MINDY2: variants seen among roughly 807,000 people sequenced by gnomAD.
MINDY2 encodes the protein ubiquitin carboxyl-terminal hydrolase MINDY-2.
In MINDY2, 52 loss-of-function variants were observed where a neutral mutation model predicts 68.2. That is an observed-to-expected ratio of 0.76 (90% CI 0.61 to 0.96). The LOEUF (loss-of-function observed/expected upper bound fraction) is 0.96, where lower values mean the gene tolerates loss of function less well. Among genes scored for constraint, MINDY2 ranks in the 40% least tolerant of loss-of-function variants. The pLI, the probability that MINDY2 is intolerant of heterozygous loss-of-function variation, is 0.00. For missense variants in MINDY2, 881 were observed against 773.4 expected, an observed-to-expected ratio of 1.14 and a Z score of -1.65; for synonymous variants, 372 against 303.0, an observed-to-expected ratio of 1.23 and a Z score of -2.36.
intron 4 of MINDY2, among the ~76,000 whole-genome samples, chr15:58,817,951 C>G (rs552584721): frequency 2.8e-4 from 43 of 152,262 alleles, no homozygotes; most frequent in Non-Finnish European, 5.3e-4. Context: ...GAATTTTTCA[C>G]AGCAGTGTTA....
At chr15:58,798,679 C>G (rs1231916491) in intron 2 of MINDY2, among the ~76,000 whole-genome samples, 1 of 152,018 alleles carries the variant, frequency 6.6e-6, no homozygotes, top group Non-Finnish European at 1.5e-5. Context: ...TGGATTCAAA[C>G]TCCTGACTTC....
intron 4 of MINDY2, among the ~76,000 whole-genome samples, chr15:58,814,554 T>G (rs2030543638): frequency 6.6e-6 from 1 of 151,960 alleles, no homozygotes; most frequent in African/African-American, 2.4e-5. Context: ...CACTTTTTAA[T>G]TTTTTGTAGA....
intron 4 of MINDY2, among the ~76,000 whole-genome samples, chr15:58,817,955 A>G (rs898604896): frequency 1.3e-5 from 2 of 152,186 alleles, no homozygotes; most frequent in Non-Finnish European, 2.9e-5. Flanking sequence ...TTTTCACAGC[A>G]GTGTTATTTG....
At chr15:58,789,912 G>A (rs539932529) in intron 2 of MINDY2, among the ~76,000 whole-genome samples, 2 of 152,248 alleles carry the variant, frequency 1.3e-5, no homozygotes, top group African/African-American at 4.8e-5. Context: ...CTCCCAAAGT[G>A]CTGGGATTGC....
intron 7 of MINDY2, among the ~76,000 whole-genome samples, chr15:58,847,896 G>A (rs1397088160): frequency 6.6e-6 from 1 of 152,166 alleles, no homozygotes; most frequent in Non-Finnish European, 1.5e-5. Flanking sequence ...GCACATATCT[G>A]AGCTATATTT....
chr15:58,795,141 A>T (rs1483891723), intron 2 of MINDY2, among the ~76,000 whole-genome samples: 2 of 151,736 alleles, frequency 1.3e-5, no homozygotes, highest in Non-Finnish European at 2.9e-5. Flanking sequence ...GCGCTACTGC[A>T]CTCCAGCCTG....
chr15:58,812,176 G>A (rs1395219636), intron 4 of MINDY2, among the ~76,000 whole-genome samples: 3 of 152,106 alleles, frequency 2.0e-5, no homozygotes, highest in East Asian at 1.9e-4. Context: ...AGTGGCTCAC[G>A]CCTGTAATCC....
chr15:58,771,516 C>T lies in MINDY2; in HGVS notation c.121C>T (p.Pro41Ser). The change falls in exon 1 of 9, where the codon CCT becomes TCT. Residue 41 changes from proline to serine, a missense_variant. By Grantham distance (74) the Pro-to-Ser change is moderately conservative. Coordinates refer to ENST00000559228, the MANE Select transcript of MINDY2 (RefSeq NM_001040450.3). ...GACCAGGCTCGCCGCTGGTGATGGT[C>T]CTGGGGTATGGGCGGCGGAGACCAG... ...QETRLAAGDG[P>S]GVWAAETSGG... 5 of 1,612,096 alleles carry T rather than the reference C, an allele frequency of 3.1e-6. No individual in the cohort carries two copies. Among genetic ancestry groups the T allele is most frequent in the Non-Finnish European group, 4.2e-6 (5 of 1,179,722 alleles).
chr15:58,801,047 C>A (rs1242131209), intron 2 of MINDY2, among the ~76,000 whole-genome samples: 1 of 152,004 alleles, frequency 6.6e-6, no homozygotes, highest in Non-Finnish European at 1.5e-5. Flanking sequence ...GATCTTGGCT[C>A]ACTGCAACCT....
intron 1 of MINDY2, among the ~76,000 whole-genome samples, chr15:58,773,971 A>G (rs569906673): frequency 3.3e-5 from 5 of 152,312 alleles, no homozygotes; most frequent in African/African-American, 9.6e-5. Flanking sequence ...ACTTGCTCTA[A>G]CGGGCCAGAG....
intron 1 of MINDY2, among the ~76,000 whole-genome samples, chr15:58,777,134 A>G (rs1321903649): frequency 6.6e-6 from 1 of 152,194 alleles, no homozygotes; most frequent in Non-Finnish European, 1.5e-5. Context: ...TTTAAAAACT[A>G]TTAGCATATC....
chr15:58,837,672 T>C (rs569823462), intron 6 of MINDY2, among the ~76,000 whole-genome samples: 1 of 152,114 alleles, frequency 6.6e-6, no homozygotes, highest in Non-Finnish European at 1.5e-5. Context: ...GGACATCTTA[T>C]GCATTCATAT....
intron 3 of MINDY2, among the ~76,000 whole-genome samples, chr15:58,806,082 A>G (rs1902988209): frequency 6.6e-6 from 1 of 152,184 alleles, no homozygotes; most frequent in Non-Finnish European, 1.5e-5. Context: ...TCAAAAAAAC[A>G]ACAAAAGAAA....
rs1406234428 is a variant in MINDY2 at position 58,860,810 on chromosome 15, T to A, written c.*6200T>A. The stretch of plus-strand genomic sequence containing the variant: ...CTGTCTTGTATGTCTCTCAATTTTG[T>A]CAGAATTTTTATTATTGTTTTTCAC... On this transcript the variant is annotated 3_prime_UTR_variant, in exon 9 of 9. Coordinates refer to ENST00000559228, the MANE Select transcript of MINDY2 (RefSeq NM_001040450.3). 2 of 152,220 alleles carry A rather than the reference T, an allele frequency of 1.3e-5. No homozygotes were observed. Among genetic ancestry groups the A allele is most frequent in the Non-Finnish European group, 2.9e-5 (2 of 68,046 alleles). 9.4% of individuals were successfully genotyped at this position (152,220 alleles called of 1,614,324 possible).
intron 4 of MINDY2, chr15:58,815,378 T>TC (rs2030611012): frequency 6.6e-6 from 1 of 152,058 alleles, no homozygotes; most frequent in Non-Finnish European, 1.5e-5. Context: ...TGAGACAGAG[T>TC]CTCTCTGTGT....
At chr15:58,813,631 T>C (rs1475275133) in intron 4 of MINDY2, among the ~76,000 whole-genome samples, 1 of 152,188 alleles carries the variant, frequency 6.6e-6, no homozygotes, top group African/African-American at 2.4e-5. Flanking sequence ...AGAGACAGGG[T>C]CTTGCTTTGT....
chr15:58,808,928 C>G (rs1476497269), intron 3 of MINDY2, among the ~76,000 whole-genome samples: 1 of 152,210 alleles, frequency 6.6e-6, no homozygotes, highest in African/African-American at 2.4e-5. Context: ...AAAACTGAAA[C>G]TTGCCAGGCA....
intron 3 of MINDY2, among the ~76,000 whole-genome samples, chr15:58,806,690 A>G (rs1434575240): frequency 6.6e-6 from 1 of 152,238 alleles, no homozygotes; most frequent in Non-Finnish European, 1.5e-5. Context: ...GTGGTTGACA[A>G]ACAAGAATTT....
At position 58,771,829 on chromosome 15, in the gene MINDY2, C is replaced by T. The variant is rs774211067; in HGVS notation, c.434C>T (p.Ala145Val). ...GGCACCTGCCAAGCAGAACTGACCG[C>T]CGCCGGCTCCGAAGAGCCCAGCAGC... ...LAGTCQAELTAAGSEEPSSAG... is the reference protein window; with the variant it reads ...LAGTCQAELTVAGSEEPSSAG... The change falls in exon 1 of 9, where the codon GCC (alanine) becomes GTC (valine). Residue 145 changes from alanine to valine, a missense_variant. Ala to Val is a moderately conservative substitution (Grantham distance 64). Coordinates refer to ENST00000559228, the MANE Select transcript of MINDY2 (RefSeq NM_001040450.3). 2 of 1,608,360 alleles carry T rather than the reference C, an allele frequency of 1.2e-6. No individual in the cohort carries two copies. Among genetic ancestry groups the T allele is most frequent in the African/African-American group, 1.3e-5 (1 of 74,828 alleles).
Sources: allele counts gnomAD v4.1 joint callset (sites outside exome capture counted in the v4.1 genomes callset), GRCh38; gene constraint gnomAD v4.1.1; transcripts MANE v1.5; gene names NCBI Gene and HGNC (gene_info 2026-07-23, HGNC 2026-07-21).